The following PRKCZ variants were observed in gnomAD, a reference collection of about 807,000 sequenced individuals.
PRKCZ encodes protein kinase C zeta type.
Under a neutral mutation model 79.5 loss-of-function variants are expected in PRKCZ, and 33 were observed. That is an observed-to-expected ratio of 0.41 (90% CI 0.31 to 0.55). The LOEUF is 0.55. Ranked by LOEUF, PRKCZ falls within the 20% of genes least tolerant of loss-of-function variation. PRKCZ has a pLI of 0.19. For missense variants in PRKCZ, 578 were observed against 813.5 expected (o/e 0.71, Z 3.52); for synonymous variants, 342 against 320.9 (o/e 1.07, Z -0.70).
At chr1:2,129,064 G>A (rs960978426) in intron 4 of PRKCZ, among the ~76,000 whole-genome samples, 1 of 152,182 alleles carries the variant, frequency 6.6e-6, no homozygotes. Context: ...GGGACCGCCA[G>A]GTCCCCCCAA....
chr1:2,144,097 G>GT (rs2103114319), intron 5 of PRKCZ, 113 bp from the exon 6 acceptor site: 1 of 1,426,890 alleles, frequency 7.0e-7, no homozygotes, highest in East Asian at 2.6e-5. Flanking sequence ...GGGGCCACCT[G>GT]TTGCCCGGCT....
At chr1:2,051,433 G>A (rs1336220554) in intron 1 of PRKCZ, among the ~76,000 whole-genome samples, 1 of 152,240 alleles carries the variant, frequency 6.6e-6, no homozygotes, top group African/African-American at 2.4e-5. Context: ...CGAAGTGTGG[G>A]CGGTGGGGAG....
At chr1:2,144,125 A>G in intron 5 of PRKCZ, 85 bp from the exon 6 acceptor site, 2 of 1,483,934 alleles carry the variant, frequency 1.3e-6, no homozygotes, top group East Asian at 2.5e-5. Flanking sequence ...CTCTTTTGAG[A>G]AGGTATAGGT....
chr1:2,082,265 C>A lies in PRKCZ; in HGVS notation c.334+22674C>A. 2.4e-6 allele frequency: 1 copy of A among 412,656 alleles called. No individual in the cohort carries two copies. The highest frequency in any genetic ancestry group is 4.8e-6 in the Non-Finnish European group (1 of 206,352). 25.6% of individuals were successfully genotyped at this position (412,656 alleles called of 1,614,324 possible). On this transcript the variant is annotated intron_variant, in intron 4 of 17. Transcript: ENST00000378567. This position sits in a 1 kb window ranked among gnomAD's most constrained non-coding sequence, Gnocchi z 4.4. Reference sequence around the variant, plus strand: ...GGCTGTGTATTTGGCAAGAGGGAGGCTCCGTGGCACGATCACACGTGCAGG... The same window carrying A: ...GGCTGTGTATTTGGCAAGAGGGAGGATCCGTGGCACGATCACACGTGCAGG...
intron 10 of PRKCZ, among the ~76,000 whole-genome samples, chr1:2,163,207 G>A (rs577541954): frequency 5.4e-4 from 82 of 152,330 alleles, no homozygotes; most frequent in Middle Eastern, 3.4e-3. Flanking sequence ...AAGGCAGAAC[G>A]GAAGCATTTA....
At chr1:2,053,170 G>T (rs1306405888) in intron 1 of PRKCZ, among the ~76,000 whole-genome samples, 1 of 150,236 alleles carries the variant, frequency 6.7e-6, no homozygotes, top group African/African-American at 2.5e-5. Context: ...GTGTGGTCTC[G>T]GCCCACTGTA....
chr1:2,163,052 C>T (rs113472023), intron 10 of PRKCZ, among the ~76,000 whole-genome samples: 4 of 152,324 alleles, frequency 2.6e-5, no homozygotes, highest in African/African-American at 9.6e-5. Context: ...GCCGCTGCAA[C>T]CAGGTCGTGC....
intron 4 of PRKCZ, among the ~76,000 whole-genome samples, chr1:2,084,704 G>A (rs1664168103): frequency 6.6e-6 from 1 of 152,144 alleles, no homozygotes; most frequent in Admixed American, 6.5e-5. Flanking sequence ...GTCAGCAAGT[G>A]GAGGTCAGAT....
chr1:2,135,362 T>TG lies in PRKCZ; in HGVS notation c.420+18dup, dbSNP rs778013975. 1.3e-6 allele frequency: 2 copies of TG among 1,596,318 alleles called. No homozygotes were observed. Among genetic ancestry groups the TG allele is most frequent in the Admixed American group, 3.4e-5 (2 of 59,202 alleles). ...GCTTTAACAGGGTGAGTGGCCCCCT[T>TG]GGGACTAGTCCCTCAAGGGGCCTTT... On this transcript the variant is annotated intron_variant, in intron 5 of 17. Coordinates refer to ENST00000378567, the MANE Select transcript of PRKCZ (RefSeq NM_002744.6).
At chr1:2,088,304 G>T (rs1282238351) in intron 4 of PRKCZ, among the ~76,000 whole-genome samples, 2 of 152,036 alleles carry the variant, frequency 1.3e-5, no homozygotes, top group East Asian at 1.9e-4. Flanking sequence ...GCCCCATGGG[G>T]TCTGCACGCC....
At chr1:2,080,474 C>T (rs144497890) in intron 4 of PRKCZ, among the ~76,000 whole-genome samples, 297 of 151,020 alleles carry the variant, frequency 2.0e-3, no homozygotes, top group Admixed American at 2.9e-3. Flanking sequence ...TGCTGCCCCC[C>T]GTGCGACCTG....
intron 2 of PRKCZ, 116 bp from the exon 3 acceptor site, chr1:2,056,368 G>C (rs530863141): frequency 1.4e-5 from 13 of 929,494 alleles, no homozygotes; most frequent in Non-Finnish European, 1.9e-5. Flanking sequence ...TGGCCAGTCT[G>C]AGCATCGGGA....
chr1:2,097,515 G>A (rs1666728183), intron 4 of PRKCZ, among the ~76,000 whole-genome samples: 1 of 152,232 alleles, frequency 6.6e-6, no homozygotes. Flanking sequence ...GTGAGCCAGT[G>A]ACTGGCGTAG....
chr1:2,107,022 C>G (rs934888621), intron 4 of PRKCZ, among the ~76,000 whole-genome samples: 2 of 149,040 alleles, frequency 1.3e-5, no homozygotes, highest in African/African-American at 4.9e-5. Context: ...TGCGGTTTCT[C>G]CGGCTCGGCT....
intron 7 of PRKCZ, 88 bp downstream of exon 7, chr1:2,146,196 G>C: frequency 7.6e-7 from 1 of 1,309,904 alleles, no homozygotes; most frequent in Admixed American, 1.8e-5. Context: ...TCCTTTCTCA[G>C]TCCCATCTGC....
chr1:2,129,521 C>T (rs1171542626), intron 4 of PRKCZ, among the ~76,000 whole-genome samples: 3 of 152,112 alleles, frequency 2.0e-5, no homozygotes, highest in Admixed American at 2.0e-4. Flanking sequence ...GGGGCGGACG[C>T]AGACAGTGGG....
At position 2,165,101 on chromosome 1, in the gene PRKCZ, A is replaced by G. The variant is rs1683077425; in HGVS notation, c.975-4417A>G. On this transcript the variant is annotated intron_variant, in intron 10 of 17. Coordinates refer to ENST00000378567, the MANE Select transcript of PRKCZ (RefSeq NM_002744.6). This position sits in a 1 kb window ranked among gnomAD's most constrained non-coding sequence, Gnocchi z 4.1. ...CTGGCCTTTTATCTTTGATGGAGAA[A>G]TCCGAGGCCTGCCAGCATCCCCACC... 6.6e-6 allele frequency among the ~76,000 whole-genome samples: 1 copy of G among 152,292 alleles called. No homozygotes were observed. Among genetic ancestry groups the G allele is most frequent in the East Asian group, 1.9e-4 (1 of 5,178 alleles).
rs1245874362 is a variant in PRKCZ, at chr1:2,173,243, G to A, written c.1286-654G>A. Among the ~76,000 whole-genome samples the A allele has an allele frequency of 3.3e-5, 5 of 152,282 alleles. No individual in the cohort carries two copies. Among genetic ancestry groups the A allele is most frequent in the Admixed American group, 6.5e-5 (1 of 15,302 alleles). On this transcript the variant is annotated intron_variant, in intron 13 of 17. Coordinates refer to ENST00000378567, the MANE Select transcript of PRKCZ (RefSeq NM_002744.6). This position sits in a 1 kb window ranked among gnomAD's most constrained non-coding sequence, Gnocchi z 5.7. ...CGCTGGGATAACTGGGCTCCCCAGCGGCCACAATGGAAGTCTCAGTAGCCA... is the reference window on the plus strand; with the variant it reads ...CGCTGGGATAACTGGGCTCCCCAGCAGCCACAATGGAAGTCTCAGTAGCCA...
At chr1:2,142,501 C>T (rs1015854335) in intron 5 of PRKCZ, 45 of 293,356 alleles carry the variant, frequency 1.5e-4, no homozygotes, top group South Asian at 2.4e-4. Flanking sequence ...CAGCAGGTGC[C>T]GACTGGGGCA....
Sources: gnomAD v4.1 joint callset for allele counts (sites outside exome capture counted in the v4.1 genomes callset) on GRCh38, gnomAD v4.1.1 for gene constraint, Gnocchi (gnomAD v3.1) non-coding constraint, MANE v1.5 for transcripts, NCBI Gene and HGNC (gene_info 2026-07-23, HGNC 2026-07-21) for gene names.